Variants in TUSC3 observed in about 807,000 individuals in gnomAD.
TUSC3 encodes dolichyl-diphosphooligosaccharide--protein glycosyltransferase subunit TUSC3.
TUSC3 carries 45 observed loss-of-function variants against 44.8 expected under a neutral mutation model. That is an observed-to-expected ratio of 1.00 (90% CI 0.79 to 1.29). The LOEUF (loss-of-function observed/expected upper bound fraction) is 1.29. Among genes scored for constraint, TUSC3 ranks in the 50% most tolerant of loss-of-function variants. TUSC3 has a pLI of 0.00. For synonymous variants in TUSC3, 212 were observed against 152.9 expected (o/e 1.39, Z -2.85); for missense variants, 519 against 437.9 (o/e 1.19, Z -1.65).
At chr8:15,476,711 G>C (rs1194610219) in intron 1 of TUSC3, among the ~76,000 whole-genome samples, 1 of 152,188 alleles carries the variant, frequency 6.6e-6, no homozygotes, top group East Asian at 1.9e-4. Flanking sequence ...GGTGGGAGCA[G>C]GCCCGAGCAT....
intron 3 of TUSC3, among the ~76,000 whole-genome samples, chr8:15,656,365 C>T (rs1807164261): frequency 6.6e-6 from 1 of 152,122 alleles, no homozygotes; most frequent in African/African-American, 2.4e-5. Flanking sequence ...AACAAATTAA[C>T]TACTTCTAAA....
At chr8:15,780,924 T>C in the TUSC3 span, among the ~76,000 whole-genome samples, 24 of 152,288 alleles carry the variant, frequency 1.6e-4, no homozygotes, top group South Asian at 1.2e-3. Flanking sequence ...GGGAATAGAA[T>C]AGAGAAGAGG....
chr8:15,830,298 T>C, the TUSC3 span, among the ~76,000 whole-genome samples: 1 of 152,210 alleles, frequency 6.6e-6, no homozygotes, highest in African/African-American at 2.4e-5. Context: ...TTAAGTCTCA[T>C]TTTTCTATGC....
intron 3 of TUSC3, among the ~76,000 whole-genome samples, chr8:15,654,160 A>G (rs879347274): frequency 2.6e-5 from 4 of 152,216 alleles, no homozygotes; most frequent in Non-Finnish European, 5.9e-5. Flanking sequence ...ATTAGGTCTT[A>G]GTATGGATTT....
chr8:15,695,516 C>T (rs978086184), intron 6 of TUSC3, among the ~76,000 whole-genome samples: 1 of 152,098 alleles, frequency 6.6e-6, no homozygotes, highest in African/African-American at 2.4e-5. Context: ...CGGACTAATA[C>T]AGTAAATTGG....
the TUSC3 span, among the ~76,000 whole-genome samples, chr8:15,811,785 A>T: frequency 4.6e-5 from 7 of 152,146 alleles, no homozygotes; most frequent in Admixed American, 2.0e-4. Flanking sequence ...TAAAAGAACC[A>T]TCTGGGGCTT....
intron 1 of TUSC3, among the ~76,000 whole-genome samples, chr8:15,477,658 C>A (rs965063279): frequency 1.3e-5 from 2 of 152,002 alleles, no homozygotes; most frequent in Non-Finnish European, 2.9e-5. Context: ...GGAGGCAGAG[C>A]TTTCAGTGAG....
intron 1 of TUSC3, among the ~76,000 whole-genome samples, chr8:15,566,244 T>C (rs1802666533): frequency 6.6e-6 from 1 of 152,192 alleles, no homozygotes; most frequent in Non-Finnish European, 1.5e-5. Context: ...GAAGCCATTC[T>C]TTAGTAGTAT....
rs573252570 is a variant in TUSC3 at position 15,571,165 on chromosome 8, G to C, written c.138+30597G>C. 2.6e-5 allele frequency among the ~76,000 whole-genome samples: 4 copies of C among 151,770 alleles called. No homozygotes were observed. The East Asian group carries it at 7.8e-4, about 29-fold the overall frequency. On this transcript the variant is annotated intron_variant, in intron 1 of 10. Transcript: ENST00000503731. ...GATGGGGTTTCACCCTGTTGGCCAG[G>C]CTGGTCTCGAACTCCTGACTTCAGG...
the TUSC3 span, among the ~76,000 whole-genome samples, chr8:15,820,539 C>T: frequency 6.6e-6 from 1 of 152,036 alleles, no homozygotes; most frequent in African/African-American, 2.4e-5. Flanking sequence ...AGGATGGTCT[C>T]GATCTCTTGA....
intron 1 of TUSC3, among the ~76,000 whole-genome samples, chr8:15,622,846 A>G (rs1345261507): frequency 6.6e-6 from 1 of 151,640 alleles, no homozygotes; most frequent in Non-Finnish European, 1.5e-5. Flanking sequence ...GCATTCTTGG[A>G]TTGCTGACTT....
intron 3 of TUSC3, among the ~76,000 whole-genome samples, chr8:15,655,465 A>T (rs974712200): frequency 6.6e-5 from 10 of 152,202 alleles, no homozygotes; most frequent in Non-Finnish European, 1.5e-4. Context: ...CAAAGGGAAA[A>T]ATCAAGGGGG....
chr8:15,783,137 A>G, the TUSC3 span, among the ~76,000 whole-genome samples: 1 of 152,206 alleles, frequency 6.6e-6, no homozygotes, highest in African/African-American at 2.4e-5. Flanking sequence ...ACTTAGGAGT[A>G]AATTTAACCA....
chr8:15,821,451 C>A, the TUSC3 span, among the ~76,000 whole-genome samples: 74 of 145,570 alleles, frequency 5.1e-4, no homozygotes, highest in African/African-American at 1.8e-3. Flanking sequence ...AAGTTTACTG[C>A]TATGATTTCT....
intron 1 of TUSC3, among the ~76,000 whole-genome samples, chr8:15,606,217 A>G (rs1158946787): frequency 1.3e-5 from 2 of 152,062 alleles, no homozygotes; most frequent in African/African-American, 4.8e-5. Flanking sequence ...CAGATGATTC[A>G]TCTTGTAAAC....
At position 15,543,740 on chromosome 8, in the gene TUSC3, G is replaced by GT. The variant is rs533344536; in HGVS notation, c.138+3184dup. On this transcript the variant is annotated intron_variant, in intron 1 of 10. Transcript: ENST00000503731. The stretch of plus-strand genomic sequence containing the variant: ...AATGCGGTAAGATTTTTTTGAATTG[G>GT]TTTTTTTTTTTTGCTAAAGAAACTA... 7.1e-3 allele frequency among the ~76,000 whole-genome samples: 1,017 copies of GT among 143,994 alleles called. 8 individuals carry two copies. Among genetic ancestry groups the GT allele is most frequent in the Middle Eastern group, 0.037 (10 of 270 alleles). 94.5% of individuals were successfully genotyped at this position (143,994 alleles called of 152,430 possible). A position where few individuals can be genotyped will look rare whatever the true frequency, so the allele number is the denominator to read the frequency against.
chr8:15,619,703 GGTTC>G (rs1277194872), intron 1 of TUSC3, among the ~76,000 whole-genome samples: 2 of 151,926 alleles, frequency 1.3e-5, no homozygotes, highest in Non-Finnish European at 2.9e-5. Flanking sequence ...GTAGAGATGG[GGTTC>G]CACTGTGTTA....
chr8:15,787,779 G>A, the TUSC3 span, among the ~76,000 whole-genome samples: 1 of 152,122 alleles, frequency 6.6e-6, no homozygotes, highest in African/African-American at 2.4e-5. Context: ...AATATAACCT[G>A]CTTCCCAGAG....
intron 1 of TUSC3, among the ~76,000 whole-genome samples, chr8:15,586,659 A>G (rs1445288890): frequency 6.6e-6 from 1 of 152,160 alleles, no homozygotes; most frequent in Non-Finnish European, 1.5e-5. Flanking sequence ...CATGGTTTTA[A>G]TTTTCTCTAT....
Sources: gnomAD v4.1 joint callset for allele counts (sites outside exome capture counted in the v4.1 genomes callset) on GRCh38, gnomAD v4.1.1 for gene constraint, MANE v1.5 for transcripts, NCBI Gene and HGNC (gene_info 2026-07-23, HGNC 2026-07-21) for gene names.